TBC1D10A: variants seen among roughly 807,000 people sequenced by gnomAD.
The protein encoded by TBC1D10A is TBC1 domain family member 10A.
Under a neutral mutation model 52.9 loss-of-function variants are expected in TBC1D10A, and 24 were observed. The ratio of observed to expected loss-of-function variants is 0.45; its 90% CI spans 0.33 to 0.64. The LOEUF (loss-of-function observed/expected upper bound fraction) is 0.64. Ranked by LOEUF, TBC1D10A falls within the 30% of genes least tolerant of loss-of-function variation. TBC1D10A has a pLI of 0.02. For missense variants in TBC1D10A, 602 were observed against 687.9 expected (o/e 0.88, Z 1.40); for synonymous variants, 278 against 282.9 (o/e 0.98, Z 0.17).
intron 4 of TBC1D10A, among the ~76,000 whole-genome samples, chr22:30,295,365 C>T (rs1047848797): frequency 6.6e-6 from 1 of 152,212 alleles, no homozygotes; most frequent in African/African-American, 2.4e-5. Context: ...CCTCACTCAG[C>T]AGCTATGGCC....
chr22:30,326,091 A>G (rs1057283662), intron 1 of TBC1D10A, among the ~76,000 whole-genome samples: 3 of 151,220 alleles, frequency 2.0e-5, no homozygotes, highest in Non-Finnish European at 2.9e-5. Context: ...GGAGGTGACC[A>G]ATGTCTGTCC....
chr22:30,294,999 CCCT>C lies in TBC1D10A; in HGVS notation c.578_580del (p.Glu193del). 1 of 1,614,076 alleles carries C rather than the reference CCCT, an allele frequency of 6.2e-7. No individual in the cohort carries two copies. The highest frequency in any genetic ancestry group is 8.5e-7 in the Non-Finnish European group (1 of 1,180,032). ...AATGGGCGCCTGGGCCTGGCAGTAGCCCTCCTCGGGCCGGTACAGCGTGTAGGC... is the reference window on the plus strand; with the variant it reads ...AATGGGCGCCTGGGCCTGGCAGTAGCCCTCGGGCCGGTACAGCGTGTAGGC... On this transcript the variant is annotated inframe_deletion, in exon 5 of 9. Coordinates refer to ENST00000215790, the MANE Select transcript of TBC1D10A (RefSeq NM_031937.3).
At chr22:30,303,334 C>A (rs995858730) in intron 2 of TBC1D10A, among the ~76,000 whole-genome samples, 7 of 152,238 alleles carry the variant, frequency 4.6e-5, no homozygotes, top group Non-Finnish European at 7.4e-5. Flanking sequence ...GACAGACAGA[C>A]AGACAGATAG....
At chr22:30,295,689 G>T in intron 4 of TBC1D10A, 48 bp downstream of exon 4, 1 of 1,590,986 alleles carries the variant, frequency 6.3e-7, no homozygotes, top group Non-Finnish European at 8.6e-7. Flanking sequence ...ACCCCTTAGA[G>T]ACAGGCCCTA....
chr22:30,293,081 A>G, intron 8 of TBC1D10A: 1 of 620,544 alleles, frequency 1.6e-6, no homozygotes, highest in Non-Finnish European at 2.9e-6. Flanking sequence ...AGCTGCCCAC[A>G]GCTTCACGAG....
intron 3 of TBC1D10A, 122 bp downstream of exon 3, chr22:30,299,322 G>A (rs1930151152): frequency 1.0e-6 from 1 of 984,498 alleles, no homozygotes; most frequent in East Asian, 2.6e-5. Context: ...TTGGGCACAT[G>A]ACTGGAGGTT....
chr22:30,315,426 A>C (rs750624156), intron 1 of TBC1D10A, among the ~76,000 whole-genome samples: 1 of 152,052 alleles, frequency 6.6e-6, no homozygotes, highest in Admixed American at 6.6e-5. Context: ...ACACCCAGCT[A>C]ATTTTTTTGT....
intron 1 of TBC1D10A, among the ~76,000 whole-genome samples, chr22:30,319,010 C>T (rs969029612): frequency 6.6e-6 from 1 of 151,776 alleles, no homozygotes; most frequent in Non-Finnish European, 1.5e-5. Flanking sequence ...ACCCTTGCTT[C>T]GTATCATTCT....
At chr22:30,326,110 G>A (rs1423687833) in intron 1 of TBC1D10A, among the ~76,000 whole-genome samples, 3 of 150,306 alleles carry the variant, frequency 2.0e-5, no homozygotes, top group Non-Finnish European at 3.0e-5. Context: ...CCATCCAGAG[G>A]TCTGTATGCC....
In TBC1D10A at chr22:30,326,937, C is replaced by T; in HGVS notation, c.-56G>A. ...GGCCACCTCAGCCGCCCTGCTGCCGCCGACGCCCCGCCCACGCGCGGCGCC... is the reference window on the plus strand; with the variant it reads ...GGCCACCTCAGCCGCCCTGCTGCCGTCGACGCCCCGCCCACGCGCGGCGCC... On this transcript the variant is annotated 5_prime_UTR_variant, in exon 1 of 9. Coordinates refer to ENST00000215790, the MANE Select transcript of TBC1D10A (RefSeq NM_031937.3). The T allele has an allele frequency of 7.4e-7, 1 of 1,350,978 alleles. No homozygotes were observed. Among genetic ancestry groups the T allele is most frequent in the Non-Finnish European group, 9.5e-7 (1 of 1,055,492 alleles). The allele number at this position is 1,350,978 out of a possible 1,614,324, so 83.7% of individuals were successfully genotyped here.
intron 8 of TBC1D10A, 186 bp from the exon 9 acceptor site, chr22:30,293,037 C>G (rs952935760): frequency 3.0e-6 from 2 of 665,788 alleles, no homozygotes; most frequent in African/African-American, 3.6e-5. Context: ...GCCAGGTGAG[C>G]TGGACACTTG....
rs751133458 is a variant in TBC1D10A, at chr22:30,292,826, C to T, written c.1076G>A (p.Arg359His). 16 of 1,611,120 alleles carry T rather than the reference C, an allele frequency of 9.9e-6. No homozygotes were observed. Among genetic ancestry groups the T allele is most frequent in the South Asian group, 6.6e-5 (6 of 91,004 alleles). The change falls in exon 9 of 9, where the codon CGC becomes CAC. Residue 359 changes from arginine (R) to histidine (H), a missense_variant. By Grantham distance (29) the Arg-to-His change is conservative. Coordinates refer to ENST00000215790, the MANE Select transcript of TBC1D10A (RefSeq NM_031937.3). The stretch of plus-strand genomic sequence containing the variant: ...AATGAGGTGTTCGCGCTCAATCTGG[C>T]GCTCTGTCACGGGCAACTCCACCAC... Reference protein sequence around the residue: ...QEVVELPVTERQIEREHLIQL... With the variant: ...QEVVELPVTEHQIEREHLIQL...
In TBC1D10A at chr22:30,326,755, A is replaced by G; in HGVS notation, c.127T>C (p.Ser43Pro). The G allele has an allele frequency of 1.3e-6, 2 of 1,526,368 alleles. No individual in the cohort carries two copies. Among genetic ancestry groups the G allele is most frequent in the Non-Finnish European group, 1.8e-6 (2 of 1,133,074 alleles). 94.6% of individuals were successfully genotyped at this position (1,526,368 alleles called of 1,614,324 possible). Residue 43 changes from serine to proline, a missense_variant, in exon 1 of 9, where the codon TCT becomes CCT. Physicochemically the swap from Ser to Pro is moderately conservative, Grantham distance 74. This residue lies in a region of TBC1D10A where 201 missense variants were observed against 204.4 expected (regional missense o/e 0.98). Transcript: ENST00000215790. The part of the protein sequence containing the change: ...ATTDELSSLG[S>P]DSEANGFAER... ...GCGAAGCCGTTGGCCTCCGAGTCAG[A>G]CCCGAGAGAGCTGAGTTCGTCGGTG...
intron 1 of TBC1D10A, among the ~76,000 whole-genome samples, chr22:30,317,740 C>A (rs998925714): frequency 6.6e-6 from 1 of 152,202 alleles, no homozygotes; most frequent in Non-Finnish European, 1.5e-5. Context: ...GTAGCTAGGA[C>A]TACCGGCACG....
chr22:30,315,511 C>A (rs578256743), intron 1 of TBC1D10A, among the ~76,000 whole-genome samples: 2 of 152,196 alleles, frequency 1.3e-5, no homozygotes, highest in Non-Finnish European at 2.9e-5. Context: ...GATCTGTCCA[C>A]CTTGGCCTCC....
intron 6 of TBC1D10A, among the ~76,000 whole-genome samples, chr22:30,294,557 G>A (rs1439771671): frequency 6.6e-6 from 1 of 152,206 alleles, no homozygotes; most frequent in African/African-American, 2.4e-5. Flanking sequence ...TGGTGCCCTG[G>A]AAGAACTTCA....
In TBC1D10A at chr22:30,326,800, G is replaced by A; in HGVS notation, c.82C>T (p.Gln28Ter). 7.4e-6 allele frequency: 11 copies of A among 1,490,726 alleles called. No individual in the cohort carries two copies. The highest frequency in any genetic ancestry group is 9.8e-6 in the Non-Finnish European group (11 of 1,120,264). 92.3% of individuals were successfully genotyped at this position (1,490,726 alleles called of 1,614,324 possible). A position where few individuals can be genotyped will look rare whatever the true frequency, so the allele number is the denominator to read the frequency against. ...SLSGTRESLA[Q>*]GPDAATTDEL... is the part of the protein sequence containing the mutation. ...TCGGTGGTTGCGGCGTCGGGGCCCT[G>A]GGCCAGGCTCTCCCGGGTTCCCGAC... Residue 28 changes from glutamine to a stop codon, truncating the protein, a stop_gained, in exon 1 of 9, where the codon CAG becomes TAG. Coordinates refer to ENST00000215790, the MANE Select transcript of TBC1D10A (RefSeq NM_031937.3). LOFTEE classifies it high-confidence loss of function.
chr22:30,295,868 G>A (rs756313671), intron 3 of TBC1D10A, 25 bp from the exon 4 acceptor site: 1 of 1,598,574 alleles, frequency 6.3e-7, no homozygotes, highest in South Asian at 1.1e-5. Flanking sequence ...ACAAATTAGG[G>A]GCTGGGGAGG....
rs749396893 is a variant in TBC1D10A, at chr22:30,293,798, C to G, written c.903G>C (p.Lys301Asn). 6.2e-7 allele frequency: 1 copy of G among 1,611,514 alleles called. No homozygotes were observed. Among genetic ancestry groups the G allele is most frequent in the Non-Finnish European group, 8.5e-7 (1 of 1,178,276 alleles). ...GCACCAGCCCCACCCGGAAGATGAT[C>G]TTGACCCCTGCATGGGGGATGGGCA... ...VWDMFFCEGV[K>N]IIFRVGLVLL... is the part of the protein sequence containing the mutation. Residue 301 changes from lysine (K) to asparagine (N), a missense_variant, in exon 8 of 9, where the codon AAG becomes AAC. Coordinates refer to ENST00000215790, the MANE Select transcript of TBC1D10A (RefSeq NM_031937.3).
Sources: gnomAD v4.1 joint callset for allele counts (sites outside exome capture counted in the v4.1 genomes callset) on GRCh38, gnomAD v4.1.1 for gene constraint, gnomAD v4.1.1 regional missense constraint, MANE v1.5 for transcripts, NCBI Gene and HGNC (gene_info 2026-07-23, HGNC 2026-07-21) for gene names.